The following RBFOX1 variants were observed in gnomAD, a reference collection of about 807,000 sequenced individuals.
The protein encoded by RBFOX1 is RNA binding protein fox-1 homolog 1.
RBFOX1 carries 8 observed loss-of-function variants against 57.7 expected under a neutral mutation model. The observed-to-expected ratio is 0.14, with a 90% CI of 0.08 to 0.25. The LOEUF is 0.25. RBFOX1 is among the 10% of genes least tolerant of loss of function. The probability of loss-of-function intolerance (pLI) is 1.00; values close to 1 mark genes in which losing one functional copy is unlikely to be tolerated. For missense variants in RBFOX1, 611 were observed against 548.5 expected (o/e 1.11, Z -1.14); for synonymous variants, 326 against 222.4 (o/e 1.47, Z -4.15).
chr16:6,489,592 C>A (rs937493846), intron 2 of RBFOX1, among the ~76,000 whole-genome samples: 4 of 152,132 alleles, frequency 2.6e-5, no homozygotes, highest in Admixed American at 1.3e-4. Flanking sequence ...TCTAAATGTA[C>A]AGAAGCCTAA....
chr16:5,246,397 C>T (rs1176690822), intron 1 of RBFOX1, among the ~76,000 whole-genome samples: 2 of 152,018 alleles, frequency 1.3e-5, no homozygotes, highest in Non-Finnish European at 2.9e-5. Flanking sequence ...AGTATGTATA[C>T]ATTACAAAAT....
Position 5,507,231 on chromosome 16 carries a change from T to C in RBFOX1, c.258+39977T>C, listed in dbSNP as rs187572881. Among the ~76,000 whole-genome samples the C allele has an allele frequency of 3.5e-4, 53 of 152,306 alleles. 1 individual carries two copies. The South Asian group carries it at 5.4e-3, about 15-fold the overall frequency. On this transcript the variant is annotated intron_variant, in intron 2 of 2. Transcript: ENST00000585867. The stretch of plus-strand genomic sequence containing the variant: ...GCAACACCAACCACTGCGGCCACCA[T>C]GACTGTCATCACTGCTGTTGCTATT...
At chr16:6,573,574 C>T (rs530215796) in intron 2 of RBFOX1, among the ~76,000 whole-genome samples, 4 of 152,186 alleles carry the variant, frequency 2.6e-5, no homozygotes, top group Non-Finnish European at 4.4e-5. Flanking sequence ...TGATTTTACA[C>T]ATAGTGCGAT....
intron 3 of RBFOX1, among the ~76,000 whole-genome samples, chr16:7,011,135 A>G (rs939282454): frequency 1.3e-5 from 2 of 151,944 alleles, no homozygotes; most frequent in African/African-American, 4.8e-5. Flanking sequence ...TGTGTCTTAC[A>G]TAGTTGAAAA....
At chr16:5,536,929 A>T (rs1003705731) in intron 2 of RBFOX1, among the ~76,000 whole-genome samples, 1 of 152,158 alleles carries the variant, frequency 6.6e-6, no homozygotes, top group African/African-American at 2.4e-5. Context: ...GCTGGTTTAC[A>T]TTGCTTACAT....
intron 1 of RBFOX1, among the ~76,000 whole-genome samples, chr16:6,174,152 G>T (rs533048967): frequency 2.6e-5 from 4 of 152,160 alleles, no homozygotes; most frequent in African/African-American, 9.7e-5. Flanking sequence ...ATGAGTCGGC[G>T]TCATGTTGGG....
At chr16:5,473,369 C>A (rs905767286) in intron 2 of RBFOX1, among the ~76,000 whole-genome samples, 25 of 152,234 alleles carry the variant, frequency 1.6e-4, no homozygotes, top group African/African-American at 5.8e-4. Flanking sequence ...TATCATCATA[C>A]CTCTTTTTAA....
intron 4 of RBFOX1, among the ~76,000 whole-genome samples, chr16:7,464,688 C>CTTTTTTTTTTT (rs57553411): frequency 9.6e-5 from 6 of 62,232 alleles, no homozygotes; most frequent in African/African-American, 4.2e-4. Context: ...TATTGTCTGT[C>CTTTTTTTTTTT]TTTTTTTTTT....
intron 4 of RBFOX1, among the ~76,000 whole-genome samples, chr16:5,875,711 A>G (rs1053940327): frequency 6.6e-6 from 1 of 152,204 alleles, no homozygotes; most frequent in Non-Finnish European, 1.5e-5. Context: ...AGAGTGTTTC[A>G]GAAGCATCTT....
At chr16:6,428,487 C>T (rs1452845365) in intron 2 of RBFOX1, among the ~76,000 whole-genome samples, 2 of 151,998 alleles carry the variant, frequency 1.3e-5, no homozygotes, top group African/African-American at 4.8e-5. Context: ...GAGGCATATT[C>T]TGTTATTAAG....
intron 3 of RBFOX1, among the ~76,000 whole-genome samples, chr16:6,829,162 A>C (rs2092483769): frequency 6.6e-6 from 1 of 152,104 alleles, no homozygotes; most frequent in Admixed American, 6.5e-5. Context: ...TGGGTGTAGA[A>C]GTTTCAAGAA....
intron 4 of RBFOX1, among the ~76,000 whole-genome samples, chr16:5,984,498 T>G (rs1359172016): frequency 6.6e-6 from 1 of 152,052 alleles, no homozygotes; most frequent in African/African-American, 2.4e-5. Context: ...GAGCATTGTC[T>G]GTGTGGCAGC....
Position 6,949,911 on chromosome 16 carries a change from G to A in RBFOX1, c.-15-102146G>A, listed in dbSNP as rs9938068. The stretch of plus-strand genomic sequence containing the variant: ...CTTTAAAACTGTCTTCATCCTCAGC[G>A]TAGGTAGCTCCTTCCCTGAGTACGT... On this transcript the variant is annotated intron_variant, in intron 3 of 15. Coordinates refer to ENST00000550418, the MANE Select transcript of RBFOX1 (RefSeq NM_018723.4). Among the ~76,000 whole-genome samples the A allele has an allele frequency of 8.6e-5, 13 of 150,836 alleles. No homozygotes were observed. In the East Asian group the frequency reaches 1.2e-3, roughly 14 times the overall value.
intron 3 of RBFOX1, among the ~76,000 whole-genome samples, chr16:6,989,860 C>G (rs193007821): frequency 1.3e-5 from 2 of 151,928 alleles, no homozygotes; most frequent in East Asian, 3.9e-4. Context: ...ATTAGCCAGG[C>G]CTGGTGATGG....
At chr16:7,034,170 G>A (rs747681238) in intron 3 of RBFOX1, among the ~76,000 whole-genome samples, 10 of 152,108 alleles carry the variant, frequency 6.6e-5, no homozygotes, top group Non-Finnish European at 1.3e-4. Context: ...GATTCAAATA[G>A]CCTGGGTTTG....
chr16:6,606,066 G>T (rs1447654981), intron 2 of RBFOX1, among the ~76,000 whole-genome samples: 1 of 151,964 alleles, frequency 6.6e-6, no homozygotes, highest in Non-Finnish European at 1.5e-5. Flanking sequence ...CCGAGATCAC[G>T]CCCCTGCACT....
At chr16:7,208,450 C>G (rs996178847) in intron 4 of RBFOX1, among the ~76,000 whole-genome samples, 2 of 152,092 alleles carry the variant, frequency 1.3e-5, no homozygotes, top group Admixed American at 6.6e-5. Flanking sequence ...TGCTTCCACT[C>G]GTGGCAGAAA....
At chr16:6,886,811 G>GA (rs2064158481) in intron 3 of RBFOX1, among the ~76,000 whole-genome samples, 1 of 151,712 alleles carries the variant, frequency 6.6e-6, no homozygotes, top group South Asian at 2.1e-4. Flanking sequence ...AAAAAAGAAT[G>GA]AAAATGTGAA....
rs74523393 is a variant in RBFOX1, at chr16:5,612,759, G to A, written c.318+13798G>A. Among the ~76,000 whole-genome samples the A allele has an allele frequency of 6.8e-3, 1,040 of 152,308 alleles. 21 individuals are homozygous for A. The highest frequency in any genetic ancestry group is 0.024 in the African/African-American group (1,008 of 41,564). On this transcript the variant is annotated intron_variant, in intron 3 of 19. Transcript: ENST00000641259. ...AGTAGCTGGAGTTCAGGGAGGAGGA[G>A]CATTCCAGTGAGGCCAGGCCGTGGT...
Sources: allele counts gnomAD v4.1 joint callset (sites outside exome capture counted in the v4.1 genomes callset), GRCh38; gene constraint gnomAD v4.1.1; transcripts MANE v1.5; gene names NCBI Gene and HGNC (gene_info 2026-07-23, HGNC 2026-07-21).